The following ENPP2 variants were observed in gnomAD, a reference collection of about 807,000 sequenced individuals.
ENPP2 encodes ectonucleotide pyrophosphatase/phosphodiesterase 2, also known as autotaxin.
In ENPP2, 51 loss-of-function variants were observed where a neutral mutation model predicts 120.2. The ratio of observed to expected loss-of-function variants is 0.42; its 90% CI spans 0.34 to 0.54. The LOEUF is 0.54. Among genes scored for constraint, ENPP2 ranks in the 20% least tolerant of loss-of-function variants. The pLI, the probability that ENPP2 is intolerant of heterozygous loss-of-function variation, is 0.04. For synonymous variants in ENPP2, 365 were observed against 366.4 expected, an observed-to-expected ratio of 1.00 and a Z score of 0.04; for missense variants, 920 against 1,066.5, an observed-to-expected ratio of 0.86 and a Z score of 1.91.
At chr8:119,593,661 T>C in intron 12 of ENPP2, 91 bp downstream of exon 12, 1 of 808,962 alleles carries the variant, frequency 1.2e-6, no homozygotes, top group East Asian at 2.5e-5. Flanking sequence ...AAGAATGGAG[T>C]CTTGGCTTCT....
At chr8:119,569,496 T>C (rs1414941400) in intron 20 of ENPP2, 126 bp from the exon 21 acceptor site, 1 of 822,758 alleles carries the variant, frequency 1.2e-6, no homozygotes, top group East Asian at 2.9e-5. Flanking sequence ...TTAAATTTTT[T>C]ATCTTTGATA....
chr8:119,576,284 G>A (rs1380420720), intron 19 of ENPP2, among the ~76,000 whole-genome samples: 1 of 152,078 alleles, frequency 6.6e-6, no homozygotes, highest in African/African-American at 2.4e-5. Flanking sequence ...ATTACAGGTG[G>A]ATGCCACGAT....
At chr8:119,621,757 T>C (rs1013177355) in intron 3 of ENPP2, among the ~76,000 whole-genome samples, 1 of 152,014 alleles carries the variant, frequency 6.6e-6, no homozygotes, top group African/African-American at 2.4e-5. Flanking sequence ...TTTGGAAAAA[T>C]GGGGCCCTGA....
At chr8:119,629,534 A>G (rs1021919078) in intron 2 of ENPP2, among the ~76,000 whole-genome samples, 2 of 152,174 alleles carry the variant, frequency 1.3e-5, no homozygotes, top group African/African-American at 4.8e-5. Context: ...GAGTCATCCA[A>G]TCCCAGCCTT....
intron 1 of ENPP2, among the ~76,000 whole-genome samples, chr8:119,656,230 T>C (rs1249695230): frequency 6.6e-6 from 1 of 152,220 alleles, no homozygotes; most frequent in Non-Finnish European, 1.5e-5. Flanking sequence ...TCCTAAGAAC[T>C]GATAAAAATT....
rs531119644 is a variant in ENPP2 at position 119,596,397 on chromosome 8, G to A, written c.973-2537C>T. Reference sequence around the variant, plus strand: ...TTTATAAAGAACTAACTGAAAAGTAGGCTAAATACTAGCCACTTGGTCATT... The same window carrying A: ...TTTATAAAGAACTAACTGAAAAGTAAGCTAAATACTAGCCACTTGGTCATT... On this transcript the variant is annotated intron_variant, in intron 11 of 24. Coordinates refer to ENST00000075322, the MANE Select transcript of ENPP2 (RefSeq NM_001040092.3). Among the ~76,000 whole-genome samples, 10 of 152,298 alleles carry A rather than the reference G, an allele frequency of 6.6e-5. 1 individual carries two copies. Among genetic ancestry groups the A allele is most frequent in the African/African-American group, 2.2e-4 (9 of 41,548 alleles).
chr8:119,656,456 C>T lies in ENPP2; in HGVS notation c.21+16796G>A, dbSNP rs540836012. ...TGATACTAAGCGCAGTAACAACTAC[C>T]ATGTACCAAGAGCCTACCATTTGCT... On this transcript the variant is annotated intron_variant, in intron 1 of 25. Transcript: ENST00000427067. Among the ~76,000 whole-genome samples the T allele has an allele frequency of 1.2e-4, 19 of 152,262 alleles. No homozygotes were observed. The East Asian group carries it at 3.3e-3, about 26-fold the overall frequency.
In ENPP2 at chr8:119,659,320, T is replaced by TAAAAAAAAAAAAAA. The variant is rs750701293; in HGVS notation, c.21+13918_21+13931dup. Among the ~76,000 whole-genome samples the TAAAAAAAAAAAAAA allele has an allele frequency of 5.5e-4, 36 of 64,884 alleles. 3 individuals carry two copies. The highest frequency in any genetic ancestry group is 3.1e-3 in the East Asian group (5 of 1,614). 42.6% of individuals were successfully genotyped at this position (64,884 alleles called of 152,430 possible). A position where few individuals can be genotyped will look rare whatever the true frequency, so the allele number is the denominator to read the frequency against. The stretch of plus-strand genomic sequence containing the variant: ...CTACAGGACAAGACTCTGTCTCAAT[T>TAAAAAAAAAAAAAA]AAAAAAAAAAAAAAAAACCAGAGTT... On this transcript the variant is annotated intron_variant, in intron 1 of 25. Transcript: ENST00000427067.
intron 8 of ENPP2, among the ~76,000 whole-genome samples, chr8:119,610,490 AAGAGAGAGAG>A (rs60632673): frequency 6.8e-6 from 1 of 148,050 alleles, no homozygotes; most frequent in Non-Finnish European, 1.5e-5. Context: ...AAGGTTATAA[AAGAGAGAGAG>A]AGAGAGAGAG....
At chr8:119,594,245 A>G (rs930734613) in intron 11 of ENPP2, among the ~76,000 whole-genome samples, 2 of 152,238 alleles carry the variant, frequency 1.3e-5, no homozygotes, top group Non-Finnish European at 2.9e-5. Context: ...AACTATGGCA[A>G]GAAGATAGAC....
At position 119,595,718 on chromosome 8, in the gene ENPP2, T is replaced by C. The variant is rs1490385103; in HGVS notation, c.973-1858A>G. 6.0e-6 allele frequency: 5 copies of C among 833,800 alleles called. No individual in the cohort carries two copies. In the Admixed American group the frequency reaches 6.4e-5, roughly 11 times the overall value. 51.7% of individuals were successfully genotyped at this position (833,800 alleles called of 1,614,324 possible). On this transcript the variant is annotated intron_variant, in intron 11 of 24. Coordinates refer to ENST00000075322, the MANE Select transcript of ENPP2 (RefSeq NM_001040092.3). ...TCTGAAGTACCACATTCTTCTGGAC[T>C]CAAAGCCAAGGTCAATGCACCAGAG...
At chr8:119,579,214 T>G (rs1339924303) in intron 19 of ENPP2, among the ~76,000 whole-genome samples, 1 of 152,218 alleles carries the variant, frequency 6.6e-6, no homozygotes, top group Admixed American at 6.5e-5. Context: ...CATGGTAGAT[T>G]GTGTTATTGC....
At chr8:119,593,060 G>GAGACATGCAGACTGAGT in intron 12 of ENPP2, 1 of 485,884 alleles carries the variant, frequency 2.1e-6, no homozygotes, top group Non-Finnish European at 2.7e-6. Context: ...TTAGAACTCA[G>GAGACATGCAGACTGAGT]TCTGCATGTC....
intron 16 of ENPP2, 27 bp downstream of exon 16, chr8:119,583,935 T>C (rs1563694759): frequency 6.4e-7 from 1 of 1,574,704 alleles, no homozygotes; most frequent in South Asian, 1.1e-5. Flanking sequence ...TAAAACACAA[T>C]TTCAATTCAC....
At position 119,621,434 on chromosome 8, in the gene ENPP2, G is replaced by C. The variant is rs762295785; in HGVS notation, c.378C>G (p.Ala126=). 1 of 1,613,456 alleles carries C rather than the reference G, an allele frequency of 6.2e-7. No individual in the cohort carries two copies. Among genetic ancestry groups the C allele is most frequent in the South Asian group, 1.1e-5 (1 of 91,064 alleles). Residue 126 remains alanine (A), a synonymous_variant, in exon 4 of 25, where the codon GCC becomes GCG. Transcript: ENST00000075322. Reference sequence around the variant, plus strand: ...GGTAATTGGTACAGCAGTCTCCCCTGGCCAAGCAGTCCTCTGAGCAGTGAC... The same window carrying C: ...GGTAATTGGTACAGCAGTCTCCCCTCGCCAAGCAGTCCTCTGAGCAGTGAC... ...NACHCSEDCL[A]RGDCCTNYQV... is the part of the protein sequence containing the mutation.
intron 8 of ENPP2, among the ~76,000 whole-genome samples, chr8:119,615,302 C>A (rs140808401): frequency 1.3e-5 from 2 of 152,212 alleles, no homozygotes; most frequent in Non-Finnish European, 2.9e-5. Flanking sequence ...GAACCACTTA[C>A]CATCTTACTT....
chr8:119,558,936 C>T (rs1469670099), intron 24 of ENPP2, among the ~76,000 whole-genome samples: 1 of 152,166 alleles, frequency 6.6e-6, no homozygotes, highest in Non-Finnish European at 1.5e-5. Context: ...CCCACACAAA[C>T]CTGGACAGGG....
chr8:119,586,370 C>T (rs1813112809), intron 14 of ENPP2, 57 bp from the exon 15 acceptor site: 2 of 1,542,640 alleles, frequency 1.3e-6, no homozygotes, highest in Non-Finnish European at 8.9e-7. Context: ...AAAATTCTTA[C>T]AAATTCTCTC....
At chr8:119,648,262 G>A (rs879462231) in intron 1 of ENPP2, among the ~76,000 whole-genome samples, 70 of 152,250 alleles carry the variant, frequency 4.6e-4, no homozygotes, top group Admixed American at 4.1e-3. Context: ...ATCTGCTATC[G>A]TGCTCTCAGC....
Sources: allele counts gnomAD v4.1 joint callset (sites outside exome capture counted in the v4.1 genomes callset), GRCh38; gene constraint gnomAD v4.1.1; transcripts MANE v1.5; gene names NCBI Gene and HGNC (gene_info 2026-07-23, HGNC 2026-07-21).